HCFC2: variants seen among roughly 807,000 people sequenced by gnomAD.
The protein encoded by HCFC2 is host cell factor C2.
Under a neutral mutation model 89.2 loss-of-function variants are expected in HCFC2, and 18 were observed. The ratio of observed to expected loss-of-function variants is 0.20; its 90% CI spans 0.14 to 0.30. The LOEUF is 0.30. HCFC2 is among the 10% of genes least tolerant of loss of function. The pLI is 1.00. For synonymous variants in HCFC2, 308 were observed against 335.7 expected (o/e 0.92, Z 0.90); for missense variants, 578 against 956.1 (o/e 0.60, Z 5.21).
intron 9 of HCFC2, among the ~76,000 whole-genome samples, chr12:104,088,783 A>T (rs1044658162): frequency 6.6e-6 from 1 of 152,202 alleles, no homozygotes; most frequent in African/African-American, 2.4e-5. Context: ...GTAGCCTGTC[A>T]TATTAGACAT....
chr12:104,092,952 ATAGTT>A (rs1198506464), intron 9 of HCFC2, among the ~76,000 whole-genome samples: 5 of 152,344 alleles, frequency 3.3e-5, no homozygotes, highest in African/African-American at 4.8e-5. Context: ...GTCATATAAA[ATAGTT>A]TATTTGCTTG....
intron 3 of HCFC2, among the ~76,000 whole-genome samples, chr12:104,077,197 A>G (rs1883521564): frequency 6.6e-6 from 1 of 150,662 alleles, no homozygotes; most frequent in Non-Finnish European, 1.5e-5. Flanking sequence ...GACATTGTTT[A>G]TGCTGGGGCT....
intron 10 of HCFC2, 41 bp downstream of exon 10, chr12:104,093,604 CGGT>C: frequency 2.7e-6 from 4 of 1,507,014 alleles, no homozygotes; most frequent in Non-Finnish European, 2.7e-6. Flanking sequence ...TTTATAAAAT[CGGT>C]GGGGAATTTA....
At chr12:104,078,544 C>T (rs1465107090) in intron 3 of HCFC2, among the ~76,000 whole-genome samples, 1 of 152,158 alleles carries the variant, frequency 6.6e-6, no homozygotes, top group Non-Finnish European at 1.5e-5. Flanking sequence ...CTATGTAGGA[C>T]ATTGCTATGA....
rs1883210495 is a variant in HCFC2, at chr12:104,068,191, G to A, written c.473+84G>A. 1 of 1,208,108 alleles carries A rather than the reference G, an allele frequency of 8.3e-7. No individual in the cohort carries two copies. The highest frequency in any genetic ancestry group is 2.8e-5 in the Admixed American group (1 of 36,324). 74.8% of individuals were successfully genotyped at this position (1,208,108 alleles called of 1,614,324 possible). A position where few individuals can be genotyped will look rare whatever the true frequency, so the allele number is the denominator to read the frequency against. On this transcript the variant is annotated intron_variant, in intron 3 of 14. Transcript: ENST00000229330. This position sits in a 1 kb window ranked among gnomAD's most constrained non-coding sequence, Gnocchi z 4.1. ...TTTTTTCCATCTTTAATTTTTAAAA[G>A]GGATGATGCTTAGCTTTTTGCATTT...
chr12:104,089,854 A>G (rs1409794549), intron 9 of HCFC2, among the ~76,000 whole-genome samples: 1 of 152,182 alleles, frequency 6.6e-6, no homozygotes, highest in East Asian at 1.9e-4. Flanking sequence ...TCTATCATTA[A>G]TTCATACTCA....
In HCFC2 at chr12:104,066,124, C is replaced by T. The variant is rs147320263; in HGVS notation, c.164-43C>T. On this transcript the variant is annotated intron_variant, in intron 1 of 14. Coordinates refer to ENST00000229330, the MANE Select transcript of HCFC2 (RefSeq NM_013320.3). ...ATATTTGCTGATAGTATATGATAAC[C>T]GTTGTTTGTTATAATCGGTTTTCAT... The T allele has an allele frequency of 1.4e-4, 222 of 1,586,710 alleles. 1 individual carries two copies. Among genetic ancestry groups the T allele is most frequent in the Middle Eastern group, 1.2e-3 (7 of 6,006 alleles).
rs974735251 is a variant in HCFC2 at position 104,106,073 on chromosome 12, G to T, written c.*2800G>T. The T allele has an allele frequency of 1.3e-5, 2 of 151,714 alleles. No homozygotes were observed. The highest frequency in any genetic ancestry group is 4.8e-5 in the African/African-American group (2 of 41,346). The allele number at this position is 151,714 out of a possible 1,614,324, so 9.4% of individuals were successfully genotyped here. On this transcript the variant is annotated 3_prime_UTR_variant, in exon 15 of 15. Coordinates refer to ENST00000229330, the MANE Select transcript of HCFC2 (RefSeq NM_013320.3). ...TCTTTGGCAACTTAATTAGACATAG[G>T]GTATATATAAACTCAATTTTATCTG...
chr12:104,104,678 T>G lies in HCFC2; in HGVS notation c.*1405T>G, dbSNP rs1223293166. 6.6e-6 allele frequency: 1 copy of G among 152,004 alleles called. No homozygotes were observed. Among genetic ancestry groups the G allele is most frequent in the East Asian group, 1.9e-4 (1 of 5,206 alleles). The allele number at this position is 152,004 out of a possible 1,614,324, so 9.4% of individuals were successfully genotyped here. On this transcript the variant is annotated 3_prime_UTR_variant, in exon 15 of 15. Coordinates refer to ENST00000229330, the MANE Select transcript of HCFC2 (RefSeq NM_013320.3). ...GTGTTCCAGTTACTAATTTAAAGTG[T>G]ATAGAATATTTTAATATATAATTTT...
At chr12:104,066,387 C>A in intron 2 of HCFC2, 72 bp downstream of exon 2, 1 of 1,099,520 alleles carries the variant, frequency 9.1e-7, no homozygotes, top group Non-Finnish European at 1.3e-6. Context: ...CAAAAGATTG[C>A]AACATTACTA....
At chr12:104,091,485 T>G (rs956914245) in intron 9 of HCFC2, among the ~76,000 whole-genome samples, 1 of 152,262 alleles carries the variant, frequency 6.6e-6, no homozygotes, top group Non-Finnish European at 1.5e-5. Context: ...TCTGCCATTC[T>G]CTTTTTCCTT....
chr12:104,090,497 C>CTT (rs144168216), intron 9 of HCFC2, among the ~76,000 whole-genome samples: 11 of 148,158 alleles, frequency 7.4e-5, no homozygotes, highest in Non-Finnish European at 1.0e-4. Context: ...AATTTCTTTT[C>CTT]TTTTTTTTTT....
intron 12 of HCFC2, chr12:104,097,647 G>A: frequency 2.0e-6 from 2 of 981,796 alleles, no homozygotes; most frequent in Non-Finnish European, 2.4e-6. Flanking sequence ...TTTGTTTTGA[G>A]CTTCTGGAAA....
In HCFC2 at chr12:104,086,624, A is replaced by AAATG. The variant is rs972539487; in HGVS notation, c.1064-220_1064-219insGAAT. On this transcript the variant is annotated intron_variant, in intron 7 of 14. Transcript: ENST00000229330. Reference sequence around the variant, plus strand: ...TATAGATATATTTGTCTAAGAAAATAAATAAATAAATAAATAAATAAATAA... The same window carrying AAATG: ...TATAGATATATTTGTCTAAGAAAATAAATGAATAAATAAATAAATAAATAAATAA... 3.8e-5 allele frequency among the ~76,000 whole-genome samples: 4 copies of AAATG among 104,908 alleles called. No homozygotes were observed. The Admixed American group carries it at 5.5e-4, about 14-fold the overall frequency. 68.8% of individuals were successfully genotyped at this position (104,908 alleles called of 152,430 possible).
chr12:104,103,487 TACAGATATAGC>T lies in HCFC2; in HGVS notation c.*215_*225del. The T allele has an allele frequency of 2.0e-6, 1 of 508,670 alleles. No homozygotes were observed. Among genetic ancestry groups the T allele is most frequent in the East Asian group, 3.2e-5 (1 of 31,034 alleles). 31.5% of individuals were successfully genotyped at this position (508,670 alleles called of 1,614,324 possible). A position where few individuals can be genotyped will look rare whatever the true frequency, so the allele number is the denominator to read the frequency against. The stretch of plus-strand genomic sequence containing the variant: ...GAAAATTAGTATATGAGTTCTTCCT[TACAGATATAGC>T]TCTTTTATAAAGAAAAACAGTGAAA... On this transcript the variant is annotated 3_prime_UTR_variant, in exon 15 of 15. Coordinates refer to ENST00000229330, the MANE Select transcript of HCFC2 (RefSeq NM_013320.3).
rs2030078647 is a variant in HCFC2, at chr12:104,106,121, A to G, written c.*2848A>G. The stretch of plus-strand genomic sequence containing the variant: ...CTGCATTTTTTAAAAAATTGAAATA[A>G]TCTGATTGCATGTATGAAGGACTCC... On this transcript the variant is annotated 3_prime_UTR_variant, in exon 15 of 15. Transcript: ENST00000229330. 6.6e-6 allele frequency: 1 copy of G among 152,128 alleles called. No individual in the cohort carries two copies. Among genetic ancestry groups the G allele is most frequent in the Non-Finnish European group, 1.5e-5 (1 of 67,960 alleles). The allele number at this position is 152,128 out of a possible 1,614,324, so 9.4% of individuals were successfully genotyped here.
chr12:104,075,195 T>A (rs1159330396), intron 3 of HCFC2, among the ~76,000 whole-genome samples: 13 of 148,204 alleles, frequency 8.8e-5, no homozygotes, highest in South Asian at 4.2e-4. Flanking sequence ...TCTGTGAAAA[T>A]AAAAAAAAAA....
chr12:104,073,947 G>A (rs1167420994), intron 3 of HCFC2, among the ~76,000 whole-genome samples: 1 of 152,264 alleles, frequency 6.6e-6, no homozygotes, highest in African/African-American at 2.4e-5. Flanking sequence ...TGTTGAAACA[G>A]CACAGTTGAG....
intron 4 of HCFC2, chr12:104,080,526 C>T (rs927486670): frequency 2.9e-6 from 1 of 342,196 alleles, no homozygotes; most frequent in Non-Finnish European, 5.4e-6. Context: ...GATGCAGCAC[C>T]CATAGATATG....
Sources: gnomAD v4.1 joint callset for allele counts (sites outside exome capture counted in the v4.1 genomes callset) on GRCh38, gnomAD v4.1.1 for gene constraint, Gnocchi (gnomAD v3.1) non-coding constraint, MANE v1.5 for transcripts, NCBI Gene and HGNC (gene_info 2026-07-23, HGNC 2026-07-21) for gene names.